The following CEP70 variants were observed in gnomAD, a reference collection of about 807,000 sequenced individuals.
CEP70 encodes the protein centrosomal protein 70.
CEP70 carries 70 observed loss-of-function variants against 90.9 expected under a neutral mutation model. The ratio of observed to expected loss-of-function variants is 0.77; its 90% CI spans 0.64 to 0.94. CEP70 has a LOEUF of 0.94. Ranked by LOEUF, CEP70 falls within the 40% of genes least tolerant of loss-of-function variation. The pLI, the probability that CEP70 is intolerant of heterozygous loss-of-function variation, is 0.00. For synonymous variants in CEP70, 220 were observed against 228.3 expected (o/e 0.96, Z 0.33); for missense variants, 648 against 669.0 (o/e 0.97, Z 0.35).
chr3:138,495,959 C>A (rs1360095658), intron 17 of CEP70: 1 of 985,342 alleles, frequency 1.0e-6, no homozygotes, highest in African/African-American at 1.7e-5. Flanking sequence ...ACCAGATAAA[C>A]CAATCCAGGC....
At chr3:138,543,851 C>A (rs2038957175) in intron 6 of CEP70, among the ~76,000 whole-genome samples, 1 of 152,114 alleles carries the variant, frequency 6.6e-6, no homozygotes, top group African/African-American at 2.4e-5. Flanking sequence ...AAAATAACTA[C>A]AGCAACTTGT....
chr3:138,590,301 A>T (rs919306851), intron 2 of CEP70, among the ~76,000 whole-genome samples: 2 of 152,082 alleles, frequency 1.3e-5, no homozygotes, highest in Non-Finnish European at 2.9e-5. Flanking sequence ...GTTGTGATAG[A>T]GAAGTTGTTA....
Position 138,500,139 on chromosome 3 carries a change from C to T in CEP70, c.1623G>A (p.Met541Ile), listed in dbSNP as rs550727472. Residue 541 changes from methionine to isoleucine, a missense_variant, in exon 16 of 18, where the codon ATG becomes ATA. By Grantham distance (10) the Met-to-Ile change is conservative. Coordinates refer to ENST00000264982, the MANE Select transcript of CEP70 (RefSeq NM_024491.4). ...LINEDVNEQVMQVLGPEDLQS... is the reference protein window; with the variant it reads ...LINEDVNEQVIQVLGPEDLQS... ...GGAGGTCTTCAGGTCCTAATACCTG[C>T]ATAACCTGCTCATTCACATCTTCAT... 10 of 1,613,252 alleles carry T rather than the reference C, an allele frequency of 6.2e-6. No individual in the cohort carries two copies. The highest frequency in any genetic ancestry group is 4.0e-5 in the African/African-American group (3 of 75,006).
At chr3:138,547,984 C>G (rs1401192400) in intron 6 of CEP70, among the ~76,000 whole-genome samples, 1 of 152,192 alleles carries the variant, frequency 6.6e-6, no homozygotes, top group East Asian at 1.9e-4. Flanking sequence ...GGGGGAACTA[C>G]TGTATACAAA....
Position 138,571,098 on chromosome 3 carries a change from CCAA to C in CEP70, c.217_219del (p.Leu73del). 6.2e-7 allele frequency: 1 copy of C among 1,605,778 alleles called. No homozygotes were observed. The highest frequency in any genetic ancestry group is 1.1e-5 in the South Asian group (1 of 90,334). On this transcript the variant is annotated inframe_deletion, in exon 5 of 18. Transcript: ENST00000264982. ...TTCTGTTGACATGATGTTTCTTCCA[CCAA>C]CAATTTCAAATTCTGTCTCATCCTT...
chr3:138,568,997 A>C (rs540024290), intron 6 of CEP70, among the ~76,000 whole-genome samples: 173 of 151,910 alleles, frequency 1.1e-3, no homozygotes, highest in African/African-American at 4.1e-3. Context: ...AAACAAACAA[A>C]AAAAAAACAC....
intron 2 of CEP70, among the ~76,000 whole-genome samples, chr3:138,580,570 A>G (rs756400013): frequency 6.6e-6 from 1 of 152,158 alleles, no homozygotes; most frequent in Non-Finnish European, 1.5e-5. Flanking sequence ...ACAAGCCCAG[A>G]CTACAAAGAC....
At chr3:138,588,510 A>T (rs2042219011) in intron 2 of CEP70, among the ~76,000 whole-genome samples, 1 of 152,238 alleles carries the variant, frequency 6.6e-6, no homozygotes, top group African/African-American at 2.4e-5. Flanking sequence ...ATTGTTAGTC[A>T]GGAGGGAAAT....
chr3:138,561,099 A>T (rs2040377294), intron 6 of CEP70, among the ~76,000 whole-genome samples: 1 of 152,030 alleles, frequency 6.6e-6, no homozygotes, highest in Non-Finnish European at 1.5e-5. Context: ...TGATTGGGAG[A>T]CACCTCCCAG....
At chr3:138,573,014 G>C in intron 2 of CEP70, 82 bp from the exon 3 acceptor site, 1 of 912,586 alleles carries the variant, frequency 1.1e-6, no homozygotes, top group South Asian at 1.4e-5. Flanking sequence ...AAGTGCAAAA[G>C]GAGTTAAAGA....
In CEP70 at chr3:138,547,861, T is replaced by C. The variant is rs546034325; in HGVS notation, c.466-10514A>G. The stretch of plus-strand genomic sequence containing the variant: ...TTTCATCATGCTACTCAGAATAGTG[T>C]ACAATTTTAAACTTATGAACTATTT... On this transcript the variant is annotated intron_variant, in intron 6 of 17. Coordinates refer to ENST00000264982, the MANE Select transcript of CEP70 (RefSeq NM_024491.4). Among the ~76,000 whole-genome samples the C allele has an allele frequency of 2.6e-5, 4 of 152,330 alleles. No individual in the cohort carries two copies. The South Asian group carries it at 8.3e-4, about 32-fold the overall frequency.
chr3:138,535,103 G>A (rs2038150864), intron 7 of CEP70, among the ~76,000 whole-genome samples: 1 of 152,132 alleles, frequency 6.6e-6, no homozygotes. Flanking sequence ...CAAAGTTACA[G>A]CACACTTTCC....
chr3:138,569,573 A>G (rs953682543), intron 6 of CEP70, among the ~76,000 whole-genome samples: 1 of 152,204 alleles, frequency 6.6e-6, no homozygotes, highest in Non-Finnish European at 1.5e-5. Flanking sequence ...AGACATAAAA[A>G]GTTGTAGATG....
At chr3:138,531,557 C>T (rs951981618) in intron 8 of CEP70, 1 of 152,118 alleles carries the variant, frequency 6.6e-6, no homozygotes, top group African/African-American at 2.4e-5. Flanking sequence ...AGAATCTCCA[C>T]CATCTAAACG....
In CEP70 at chr3:138,537,355, A is replaced by G. The variant is rs1419872136; in HGVS notation, c.466-8T>C. 6.4e-7 allele frequency: 1 copy of G among 1,558,912 alleles called. No individual in the cohort carries two copies. On this transcript the variant is annotated splice_polypyrimidine_tract_variant and splice_region_variant and intron_variant, in intron 6 of 17. Transcript: ENST00000264982. ...ATAATGCTGGCACTTCACCTATAAG[A>G]TATTTTTTAAAAACATGATTATGAT... is the stretch of plus-strand genomic sequence containing the variant.
intron 11 of CEP70, among the ~76,000 whole-genome samples, chr3:138,519,301 G>A (rs2036370567): frequency 6.6e-6 from 1 of 152,116 alleles, no homozygotes; most frequent in South Asian, 2.1e-4. Context: ...AGCAAGGCAG[G>A]CCAACATTCA....
intron 6 of CEP70, among the ~76,000 whole-genome samples, chr3:138,556,459 C>T (rs2040010620): frequency 7.4e-6 from 1 of 135,114 alleles, no homozygotes; most frequent in African/African-American, 2.8e-5. Context: ...ACCCGGGAGG[C>T]AGAGGTTGTG....
At chr3:138,560,502 C>T (rs1433840816) in intron 6 of CEP70, among the ~76,000 whole-genome samples, 1 of 151,786 alleles carries the variant, frequency 6.6e-6, no homozygotes, top group Non-Finnish European at 1.5e-5. Context: ...CCAGTGGCAC[C>T]TGGAATGCCA....
In CEP70 at chr3:138,584,529, T is replaced by C. The variant is rs6786254; in HGVS notation, c.-6+7325A>G. Among the ~76,000 whole-genome samples, 841 of 146,384 alleles carry C rather than the reference T, an allele frequency of 5.7e-3. 7 individuals are homozygous for C. The highest frequency in any genetic ancestry group is 0.02 in the African/African-American group (811 of 39,874). On this transcript the variant is annotated intron_variant, in intron 2 of 17. Coordinates refer to ENST00000264982, the MANE Select transcript of CEP70 (RefSeq NM_024491.4). ...GGCCAATATCCCTGATTAATATTGA[T>C]GCAAAAATCTTCAACAAAATACTAG...
Sources: allele counts gnomAD v4.1 joint callset (sites outside exome capture counted in the v4.1 genomes callset), GRCh38; gene constraint gnomAD v4.1.1; transcripts MANE v1.5; gene names NCBI Gene and HGNC (gene_info 2026-07-23, HGNC 2026-07-21).